CHRNE: variants seen among roughly 807,000 people sequenced by gnomAD.
The protein encoded by CHRNE is acetylcholine receptor subunit epsilon.
Under a neutral mutation model 56.5 loss-of-function variants are expected in CHRNE, and 58 were observed. The observed-to-expected ratio is 1.03, with a 90% CI of 0.83 to 1.28. The LOEUF is 1.28. Among genes scored for constraint, CHRNE ranks in the 50% most tolerant of loss-of-function variants. CHRNE has a pLI of 0.00. For synonymous variants in CHRNE, 385 were observed against 297.9 expected (o/e 1.29, Z -3.01); for missense variants, 793 against 688.9 (o/e 1.15, Z -1.69).
intron 8 of CHRNE, chr17:4,899,887 GCC>G: frequency 6.5e-7 from 1 of 1,548,512 alleles, no homozygotes; most frequent in Non-Finnish European, 8.7e-7. Flanking sequence ...TCTCCTGTTC[GCC>G]CCTGTGACCC....
In CHRNE at chr17:4,901,093, C is replaced by T. The variant is rs375146171; in HGVS notation, c.699G>A (p.Ser233=). Residue 233 remains serine (S), a synonymous_variant, in exon 7 of 12, where the codon TCG becomes TCA. Coordinates refer to ENST00000649488, the MANE Select transcript of CHRNE (RefSeq NM_000080.4). ...AGAGCGGCTTCCGGCGGATGATGAGCGAGTAGATGACGTCAGTCTCCCCTG... is the reference window on the plus strand; with the variant it reads ...AGAGCGGCTTCCGGCGGATGATGAGTGAGTAGATGACGTCAGTCTCCCCTG... The part of the protein sequence containing the change: ...DGPGETDVIY[S]LIIRRKPLFY... 23 of 1,613,720 alleles carry T rather than the reference C, an allele frequency of 1.4e-5. No homozygotes were observed. The African/African-American group carries it at 2.8e-4, about 20-fold the overall frequency.
chr17:4,900,232 T>A (rs1443759014), intron 8 of CHRNE: 1 of 1,547,354 alleles, frequency 6.5e-7, no homozygotes, highest in Non-Finnish European at 8.7e-7. Context: ...GTGCCCCCAA[T>A]GCAGATCTCA....
chr17:4,901,847 C>T (rs1969997249), intron 5 of CHRNE, 85 bp downstream of exon 5: 2 of 1,577,396 alleles, frequency 1.3e-6, no homozygotes, highest in Non-Finnish European at 1.7e-6. Context: ...AGCCCCGCCC[C>T]GAGGGCGGTG....
Position 4,902,752 on chromosome 17 carries a change from C to T in CHRNE, c.58G>A (p.Gly20Arg), listed in dbSNP as rs1970033314. 1.2e-6 allele frequency: 2 copies of T among 1,614,036 alleles called. No individual in the cohort carries two copies. The highest frequency in any genetic ancestry group is 8.5e-7 in the Non-Finnish European group (1 of 1,180,018). ...LLLGLLGRGV[G>R]KNEELRLYHH... ...TAAAGACGCAGTTCCTCGTTCTTCC[C>T]CACACCCCTGCCTGCGATGGGGTCA... The change falls in exon 2 of 12, where the codon GGG becomes AGG. Residue 20 changes from glycine to arginine, a missense_variant. By Grantham distance (125) the Gly-to-Arg change is moderately radical (BLOSUM62 -2). Coordinates refer to ENST00000649488, the MANE Select transcript of CHRNE (RefSeq NM_000080.4). The surrounding 1 kb of genome is among the most constrained non-coding windows in gnomAD (Gnocchi z 4.0).
chr17:4,907,101 A>G (rs1970100254), upstream of CHRNE, among the ~76,000 whole-genome samples: 1 of 152,214 alleles, frequency 6.6e-6, no homozygotes. Context: ...GTACAAAAAA[A>G]ATAGAATAAG....
intron 5 of CHRNE, 41 bp downstream of exon 5, chr17:4,901,891 C>CCT (rs1555546937): frequency 1.2e-5 from 19 of 1,606,202 alleles, no homozygotes; most frequent in Middle Eastern, 4.0e-4. Flanking sequence ...AAGGCCCCCC[C>CCT]CCAACAATAA....
At position 4,902,421 on chromosome 17, in the gene CHRNE, C is replaced by T. The variant is rs376690134; in HGVS notation, c.234+29G>A. On this transcript the variant is annotated intron_variant, in intron 3 of 11. Transcript: ENST00000649488. The surrounding 1 kb of genome is among the most constrained non-coding windows in gnomAD (Gnocchi z 4.0). The stretch of plus-strand genomic sequence containing the variant: ...GGGAAAAGGGGTGCCCTGGACAAGA[C>T]CTCACACCATTCCCCAGATTTGACT... 2.0e-5 allele frequency: 33 copies of T among 1,614,060 alleles called. No individual in the cohort carries two copies. The African/African-American group carries it at 2.8e-4, about 14-fold the overall frequency.
chr17:4,902,347 G>A lies in CHRNE; in HGVS notation c.235-21C>T, dbSNP rs1485246918. The A allele has an allele frequency of 6.2e-7, 1 of 1,613,874 alleles. No homozygotes were observed. Among genetic ancestry groups the A allele is most frequent in the Non-Finnish European group, 8.5e-7 (1 of 1,179,840 alleles). On this transcript the variant is annotated intron_variant, in intron 3 of 11. Transcript: ENST00000649488. The surrounding 1 kb of genome is among the most constrained non-coding windows in gnomAD (Gnocchi z 4.0). Reference sequence around the variant, plus strand: ...CAATCCTAAGGGGTGGGGGATGGAAGGCCGCGTGCCCTGCATCTCCCACCT... The same window carrying A: ...CAATCCTAAGGGGTGGGGGATGGAAAGCCGCGTGCCCTGCATCTCCCACCT...
At position 4,898,711 on chromosome 17, in the gene CHRNE, G is replaced by A. The variant is rs557192611; in HGVS notation, c.*25C>T. On this transcript the variant is annotated 3_prime_UTR_variant, in exon 12 of 12. Transcript: ENST00000649488. Reference sequence around the variant, plus strand: ...CAAAATCAATTTCCTACTGGAGATGGGTGGGAAATTGAAGTCGGTGCGAGC... The same window carrying A: ...CAAAATCAATTTCCTACTGGAGATGAGTGGGAAATTGAAGTCGGTGCGAGC... 13 of 1,603,982 alleles carry A rather than the reference G, an allele frequency of 8.1e-6. No homozygotes were observed. The highest frequency in any genetic ancestry group is 8.0e-5 in the African/African-American group (6 of 74,874).
chr17:4,898,329 AGAG>A lies in CHRNE; in HGVS notation c.*404_*406del, dbSNP rs1182224787. 2 of 301,322 alleles carry A rather than the reference AGAG, an allele frequency of 6.6e-6. No individual in the cohort carries two copies. The highest frequency in any genetic ancestry group is 4.4e-5 in the African/African-American group (2 of 45,948). 18.7% of individuals were successfully genotyped at this position (301,322 alleles called of 1,614,324 possible). A position where few individuals can be genotyped will look rare whatever the true frequency, so the allele number is the denominator to read the frequency against. ...TCCAGCAGAGCCAGACCAGGGAAGA[AGAG>A]GGTTTCCTGGCTACAGCCTCCCTGT... On this transcript the variant is annotated 3_prime_UTR_variant, in exon 12 of 12. Transcript: ENST00000649488.
Position 4,898,332 on chromosome 17 carries a change from GGGTTTCCTGGC to G in CHRNE, c.*393_*403del, listed in dbSNP as rs1969791400. On this transcript the variant is annotated 3_prime_UTR_variant, in exon 12 of 12. Transcript: ENST00000649488. ...AGCAGAGCCAGACCAGGGAAGAAGA[GGGTTTCCTGGC>G]TACAGCCTCCCTGTGTGCAAGTCCT... is the stretch of plus-strand genomic sequence containing the variant. 5 of 304,592 alleles carry G rather than the reference GGGTTTCCTGGC, an allele frequency of 1.6e-5. No homozygotes were observed. Among genetic ancestry groups the G allele is most frequent in the South Asian group, 1.5e-4 (5 of 33,766 alleles). The allele number at this position is 304,592 out of a possible 1,614,324, so 18.9% of individuals were successfully genotyped here.
chr17:4,907,085 T>A (rs962101327), upstream of CHRNE, among the ~76,000 whole-genome samples: 1 of 151,576 alleles, frequency 6.6e-6, no homozygotes, highest in South Asian at 2.1e-4. Flanking sequence ...TGGGGATGGT[T>A]AATGGGTACA....
chr17:4,899,727 C>T lies in CHRNE; in HGVS notation c.918-145G>A, dbSNP rs758376347. The stretch of plus-strand genomic sequence containing the variant: ...CCCCTACACGACGACAGACGCGTCC[C>T]CCAGCCCTTCTCCTGTCCTACCACT... On this transcript the variant is annotated intron_variant, in intron 8 of 11. Coordinates refer to ENST00000649488, the MANE Select transcript of CHRNE (RefSeq NM_000080.4). The T allele has an allele frequency of 1.9e-6, 3 of 1,540,868 alleles. No individual in the cohort carries two copies. The Admixed American group carries it at 5.9e-5, about 30-fold the overall frequency.
chr17:4,899,141 G>GC (rs1969842494), intron 10 of CHRNE, 34 bp from the exon 11 acceptor site: 1 of 1,599,222 alleles, frequency 6.3e-7, no homozygotes. Context: ...GGCCTTAGGA[G>GC]CCTCCCCCCT....
In CHRNE at chr17:4,899,196, A is replaced by C. The variant is rs2151094378; in HGVS notation, c.1219+2T>G. The C allele has an allele frequency of 1.2e-6, 2 of 1,601,550 alleles. No individual in the cohort carries two copies. Among genetic ancestry groups the C allele is most frequent in the Non-Finnish European group, 1.7e-6 (2 of 1,176,688 alleles). On this transcript the variant is annotated splice_donor_variant, in intron 10 of 11. Coordinates refer to ENST00000649488, the MANE Select transcript of CHRNE (RefSeq NM_000080.4). LOFTEE classifies it high-confidence loss of function. ...CCCCCGGGCCAGGGCCACTGTGCTC[A>C]CCCGTCCAGGTCCCCTGCCGGTGCC... is the stretch of plus-strand genomic sequence containing the variant.
upstream of CHRNE, among the ~76,000 whole-genome samples, chr17:4,905,635 T>A (rs1170290595): frequency 4.6e-5 from 7 of 151,734 alleles, no homozygotes; most frequent in Admixed American, 1.3e-4. Context: ...CCAAGGCAGG[T>A]GGACCACCTG....
rs568493651 is a variant in CHRNE, at chr17:4,900,062, C to G, written c.918-480G>C. Reference sequence around the variant, plus strand: ...ACCCGAACCGAAGATGCAGGGGATGCTGCCTGCCCCGAAGCCCACCCTGGG... The same window carrying G: ...ACCCGAACCGAAGATGCAGGGGATGGTGCCTGCCCCGAAGCCCACCCTGGG... On this transcript the variant is annotated intron_variant, in intron 8 of 11. Coordinates refer to ENST00000649488, the MANE Select transcript of CHRNE (RefSeq NM_000080.4). 5 of 1,551,176 alleles carry G rather than the reference C, an allele frequency of 3.2e-6. No individual in the cohort carries two copies. The South Asian group carries it at 3.6e-5, about 11-fold the overall frequency.
chr17:4,898,952 CAGT>C, intron 11 of CHRNE, 46 bp downstream of exon 11: 1 of 1,559,608 alleles, frequency 6.4e-7, no homozygotes, highest in Non-Finnish European at 8.7e-7. Flanking sequence ...GCATGGGAGA[CAGT>C]GGTGGGCCTC....
chr17:4,899,370 C>T lies in CHRNE; in HGVS notation c.1047G>A (p.Leu349=), dbSNP rs974390828. 27 of 1,533,124 alleles carry T rather than the reference C, an allele frequency of 1.8e-5. No homozygotes were observed. In the African/African-American group the frequency reaches 3.2e-4, roughly 18 times the overall value. 95.0% of individuals were successfully genotyped at this position (1,533,124 alleles called of 1,614,324 possible). A position where few individuals can be genotyped will look rare whatever the true frequency, so the allele number is the denominator to read the frequency against. The stretch of plus-strand genomic sequence containing the variant: ...GCGGGGAGCCCAGGAGGCGCGGCAG[C>T]AGCTCCAGGAGAACCTGGGGCAGGG... ...SPRLRHVLLE[L]LPRLLGSPPP... The change falls in exon 10 of 12, where the codon CTG becomes CTA. Residue 349 remains leucine (L), a synonymous_variant. Transcript: ENST00000649488.
Sources: gnomAD v4.1 joint callset for allele counts (sites outside exome capture counted in the v4.1 genomes callset) on GRCh38, gnomAD v4.1.1 for gene constraint, Gnocchi (gnomAD v3.1) non-coding constraint, MANE v1.5 for transcripts, NCBI Gene and HGNC (gene_info 2026-07-23, HGNC 2026-07-21) for gene names.